Variants in SNX29 observed in about 807,000 individuals in gnomAD.
The protein encoded by SNX29 is sorting nexin 29, also known as sorting nexin-29.
Under a neutral mutation model 102.1 loss-of-function variants are expected in SNX29, and 78 were observed. The observed-to-expected ratio is 0.76, with a 90% CI of 0.64 to 0.92. SNX29 has a LOEUF of 0.92. SNX29 is among the 40% of genes least tolerant of loss of function. The pLI is 0.00. For synonymous variants in SNX29, 580 were observed against 414.5 expected, an observed-to-expected ratio of 1.40 and a Z score of -4.85; for missense variants, 1,280 against 1,061.7, an observed-to-expected ratio of 1.21 and a Z score of -2.86.
chr16:12,294,493 A>G lies in SNX29; in HGVS notation c.1782+16457A>G, dbSNP rs533995014. On this transcript the variant is annotated intron_variant, in intron 15 of 20. Coordinates refer to ENST00000566228, the MANE Select transcript of SNX29 (RefSeq NM_032167.5). ...TGGTTTCTAAAGACTCACCCTGTCT[A>G]CTCCCAGGCCTGGGAAGTCCATAGG... is the stretch of plus-strand genomic sequence containing the variant. 7.9e-5 allele frequency among the ~76,000 whole-genome samples: 12 copies of G among 151,486 alleles called. No homozygotes were observed. The South Asian group carries it at 2.5e-3, about 32-fold the overall frequency.
chr16:12,006,516 G>GAA (rs758929005), intron 3 of SNX29, among the ~76,000 whole-genome samples: 12 of 54,298 alleles, frequency 2.2e-4, no homozygotes, highest in African/African-American at 6.7e-4. Context: ...TACTGTCTCA[G>GAA]AAAAAAAAAA....
chr16:12,137,783 GAGA>G (rs2054715769), intron 13 of SNX29, among the ~76,000 whole-genome samples: 1 of 152,210 alleles, frequency 6.6e-6, no homozygotes, highest in Non-Finnish European at 1.5e-5. Context: ...GGTGGGAATT[GAGA>G]AGGTCAGGCA....
At chr16:12,545,579 C>CCCAT (rs1003507843) in intron 20 of SNX29, 3 of 152,148 alleles carry the variant, frequency 2.0e-5, no homozygotes, top group African/African-American at 7.2e-5. Context: ...GATGGAGGAA[C>CCCAT]CCATTTCCTC....
intron 19 of SNX29, among the ~76,000 whole-genome samples, chr16:12,486,561 C>G (rs1216486697): frequency 6.6e-6 from 1 of 152,254 alleles, no homozygotes; most frequent in East Asian, 1.9e-4. Context: ...AGGCTGATAT[C>G]TGGGCCCAGG....
chr16:12,560,058 A>C (rs1029633207), intron 20 of SNX29, among the ~76,000 whole-genome samples: 2 of 152,036 alleles, frequency 1.3e-5, no homozygotes, highest in Non-Finnish European at 2.9e-5. Flanking sequence ...AATGACTAGA[A>C]AACTATGTAA....
chr16:12,367,753 T>C (rs1283986721), intron 16 of SNX29, among the ~76,000 whole-genome samples: 1 of 152,248 alleles, frequency 6.6e-6, no homozygotes, highest in Non-Finnish European at 1.5e-5. Flanking sequence ...AACTTCGTGT[T>C]CCAAATTATA....
intron 16 of SNX29, 27 bp from the exon 17 acceptor site, chr16:12,398,419 C>T (rs746252880): frequency 6.2e-7 from 1 of 1,612,868 alleles, no homozygotes; most frequent in Admixed American, 1.7e-5. Flanking sequence ...CATTTTTTCT[C>T]CCCTCTCCCC....
At position 12,570,438 on chromosome 16, in the gene SNX29, C is replaced by T. The variant is rs1057426811; in HGVS notation, c.*1809C>T. On this transcript the variant is annotated 3_prime_UTR_variant, in exon 21 of 21. Transcript: ENST00000566228. ...ATGACTGGCAACTCTAAATAGAGAGCCCTAATGGACTGAGGCAGGAAACGT... is the reference window on the plus strand; with the variant it reads ...ATGACTGGCAACTCTAAATAGAGAGTCCTAATGGACTGAGGCAGGAAACGT... 5 of 243,534 alleles carry T rather than the reference C, an allele frequency of 2.1e-5. No individual in the cohort carries two copies. The highest frequency in any genetic ancestry group is 3.9e-5 in the Non-Finnish European group (5 of 127,716). 15.1% of individuals were successfully genotyped at this position (243,534 alleles called of 1,614,324 possible).
At chr16:12,364,064 C>T (rs1478695561) in intron 16 of SNX29, among the ~76,000 whole-genome samples, 3 of 152,174 alleles carry the variant, frequency 2.0e-5, no homozygotes, top group Non-Finnish European at 4.4e-5. Flanking sequence ...ACCATCATAG[C>T]TCGGTGTAAC....
At position 12,403,452 on chromosome 16, in the gene SNX29, A is replaced by G. The variant is rs2084041540; in HGVS notation, c.1960A>G (p.Asn654Asp). ...CTCTCTCTTCCTTTTGGTTAGATCAAACCGGGCGCTGATCAACGTCTGGAT... is the reference window on the plus strand; with the variant it reads ...CTCTCTCTTCCTTTTGGTTAGATCAGACCGGGCGCTGATCAACGTCTGGAT... ...DQSLSDFEIS[N>D]RALINVWIPS... Residue 654 changes from asparagine to aspartate, a missense_variant, in exon 18 of 21, where the codon AAC becomes GAC. Coordinates refer to ENST00000566228, the MANE Select transcript of SNX29 (RefSeq NM_032167.5). 1 of 1,606,262 alleles carries G rather than the reference A, an allele frequency of 6.2e-7. No homozygotes were observed.
At chr16:12,255,221 A>T (rs555541617) in intron 14 of SNX29, among the ~76,000 whole-genome samples, 47 of 152,134 alleles carry the variant, frequency 3.1e-4, no homozygotes, top group Admixed American at 1.2e-3. Flanking sequence ...TTTGAGACTG[A>T]GTCTTGGTGC....
rs189396419 is a variant in SNX29, at chr16:12,418,254, C to T, written c.2037+14725C>T. Among the ~76,000 whole-genome samples, 17 of 152,220 alleles carry T rather than the reference C, an allele frequency of 1.1e-4. No homozygotes were observed. In the East Asian group the frequency reaches 1.7e-3, roughly 16 times the overall value. On this transcript the variant is annotated intron_variant, in intron 18 of 20. Coordinates refer to ENST00000566228, the MANE Select transcript of SNX29 (RefSeq NM_032167.5). ...CTAAATACCACTTTTCACCAATTGC[C>T]GCAAAACCGTTTGCTAGCGTCCTTC...
intron 20 of SNX29, among the ~76,000 whole-genome samples, chr16:12,525,182 G>C (rs1272570792): frequency 6.6e-6 from 1 of 152,144 alleles, no homozygotes; most frequent in East Asian, 1.9e-4. Flanking sequence ...GAAACAAATT[G>C]TGTCAGTGTT....
chr16:12,556,877 G>C (rs181921347), intron 20 of SNX29, among the ~76,000 whole-genome samples: 1 of 151,638 alleles, frequency 6.6e-6, no homozygotes, highest in Non-Finnish European at 1.5e-5. Flanking sequence ...TTTTGAGATA[G>C]GGTCTCCGTC....
chr16:12,184,173 A>G (rs575685396), intron 13 of SNX29, among the ~76,000 whole-genome samples: 2 of 152,312 alleles, frequency 1.3e-5, no homozygotes, highest in East Asian at 3.9e-4. Context: ...TTTCTGTAAT[A>G]GTATTATGCT....
chr16:12,119,532 T>G (rs1189168442), intron 11 of SNX29, among the ~76,000 whole-genome samples: 1 of 152,228 alleles, frequency 6.6e-6, no homozygotes, highest in Admixed American at 6.5e-5. Context: ...GTTTTGAGAT[T>G]ATAATTATGT....
At chr16:12,114,637 AGTGCAGTG>A in intron 11 of SNX29, among the ~76,000 whole-genome samples, 1 of 149,912 alleles carries the variant, frequency 6.7e-6, no homozygotes, top group African/African-American at 2.5e-5. Context: ...CCTAGGCTGG[AGTGCAGTG>A]GCATGATCTC....
At chr16:12,159,021 G>T (rs2055671449) in intron 13 of SNX29, among the ~76,000 whole-genome samples, 1 of 152,228 alleles carries the variant, frequency 6.6e-6, no homozygotes, top group African/African-American at 2.4e-5. Flanking sequence ...TTTTAGATGA[G>T]CCCTTCTGGA....
At chr16:12,461,711 C>A (rs562723117) in intron 18 of SNX29, among the ~76,000 whole-genome samples, 10 of 151,732 alleles carry the variant, frequency 6.6e-5, no homozygotes, top group Non-Finnish European at 1.2e-4. Context: ...AATCCCAGCA[C>A]TTTGGGAGGC....
Sources: allele counts gnomAD v4.1 joint callset (sites outside exome capture counted in the v4.1 genomes callset), GRCh38; gene constraint gnomAD v4.1.1; transcripts MANE v1.5; gene names NCBI Gene and HGNC (gene_info 2026-07-23, HGNC 2026-07-21).